SMG7: variants seen among roughly 807,000 people sequenced by gnomAD.
SMG7 encodes the protein SMG7 nonsense mediated mRNA decay factor.
Under a neutral mutation model 148.2 loss-of-function variants are expected in SMG7, and 34 were observed. That is an observed-to-expected ratio of 0.23 (90% confidence interval 0.17 to 0.31). The LOEUF (loss-of-function observed/expected upper bound fraction) is 0.31, where lower values mean the gene tolerates loss of function less well. Ranked by LOEUF, SMG7 falls within the 10% of genes least tolerant of loss-of-function variation. The pLI is 1.00. For missense variants in SMG7, 1,114 were observed against 1,408.4 expected (o/e 0.79, Z 3.35); for synonymous variants, 492 against 515.1 (o/e 0.96, Z 0.61).
At chr1:183,537,254 T>C (rs758196826) in intron 11 of SMG7, 39 bp downstream of exon 11, 1 of 1,418,000 alleles carries the variant, frequency 7.1e-7, no homozygotes, top group Non-Finnish European at 1.0e-6. Flanking sequence ...GATGTGGTTC[T>C]CCATCATTAA....
At chr1:183,496,316 T>C (rs1029754654) in intron 1 of SMG7, among the ~76,000 whole-genome samples, 7 of 152,222 alleles carry the variant, frequency 4.6e-5, no homozygotes, top group Non-Finnish European at 8.8e-5. Flanking sequence ...CTCATGAGAC[T>C]GTATTTACCC....
intron 1 of SMG7, among the ~76,000 whole-genome samples, chr1:183,480,588 G>C (rs1396234841): frequency 2.0e-5 from 3 of 151,852 alleles, no homozygotes; most frequent in Non-Finnish European, 4.4e-5. Flanking sequence ...TTCAGTTTGG[G>C]CCATGCTATA....
At chr1:183,495,220 G>C (rs925172797) in intron 1 of SMG7, among the ~76,000 whole-genome samples, 1 of 151,766 alleles carries the variant, frequency 6.6e-6, no homozygotes, top group Admixed American at 6.6e-5. Context: ...CCTTTGTGTG[G>C]TTTTCTTTTG....
Position 183,490,414 on chromosome 1 carries a change from C to T in SMG7, c.29+17765C>T, listed in dbSNP as rs565217646. On this transcript the variant is annotated intron_variant, in intron 1 of 22. Transcript: ENST00000688051. ...TTTTGTAGAAATTGTTTTATTCTTA[C>T]CTGTGGACATTTTCTATGCAGAAAG... Among the ~76,000 whole-genome samples the T allele has an allele frequency of 3.3e-5, 5 of 152,098 alleles. No homozygotes were observed. In the South Asian group the frequency reaches 1.0e-3, roughly 32 times the overall value.
chr1:183,526,638 T>G lies in SMG7; in HGVS notation c.355T>G (p.Cys119Gly), dbSNP rs1037064128. The G allele has an allele frequency of 1.2e-6, 2 of 1,613,568 alleles. No individual in the cohort carries two copies. The highest frequency in any genetic ancestry group is 3.3e-5 in the Admixed American group (2 of 59,938). ...TACAGTATTTAATGTAGATTTACCA[T>G]GCCGTGTGAAGTCTTCCCAATTGGG... ...LCTVFNVDLPCRVKSSQLGII... is the reference protein window; with the variant it reads ...LCTVFNVDLPGRVKSSQLGII... Residue 119 changes from cysteine (C) to glycine (G), a missense_variant, in exon 5 of 23, where the codon TGC becomes GGC. Transcript: ENST00000688051.
intron 4 of SMG7, among the ~76,000 whole-genome samples, chr1:183,520,870 C>T (rs1261778382): frequency 6.6e-6 from 1 of 151,936 alleles, no homozygotes; most frequent in African/African-American, 2.4e-5. Context: ...ATGTAAATGT[C>T]TCAAAAATTG....
intron 4 of SMG7, among the ~76,000 whole-genome samples, chr1:183,518,109 G>A (rs1663973573): frequency 6.6e-6 from 1 of 151,892 alleles, no homozygotes. Context: ...CAACACGCCT[G>A]ACTAATTTTT....
intron 18 of SMG7, 65 bp downstream of exon 18, chr1:183,547,317 T>C: frequency 7.3e-7 from 1 of 1,363,274 alleles, no homozygotes; most frequent in Non-Finnish European, 9.9e-7. Context: ...GATACTGTAG[T>C]ACACAGATTA....
At position 183,527,895 on chromosome 1, in the gene SMG7, T is replaced by C; in HGVS notation, c.485-61T>C. ...TTAGAACTTAAAACTATAGCTGTTT[T>C]GGAAATACTACCCTACTGTTTGTTT... On this transcript the variant is annotated intron_variant, in intron 5 of 22. Transcript: ENST00000688051. This position sits in a 1 kb window ranked among gnomAD's most constrained non-coding sequence, Gnocchi z 4.0. 3.5e-6 allele frequency: 4 copies of C among 1,149,008 alleles called. No homozygotes were observed. Among genetic ancestry groups the C allele is most frequent in the Non-Finnish European group, 1.3e-6 (1 of 769,666 alleles). 71.2% of individuals were successfully genotyped at this position (1,149,008 alleles called of 1,614,324 possible).
chr1:183,519,222 C>T (rs934441317), intron 4 of SMG7, among the ~76,000 whole-genome samples: 1 of 152,130 alleles, frequency 6.6e-6, no homozygotes, highest in Admixed American at 6.5e-5. Flanking sequence ...TGGAACAATT[C>T]AGATAACTGT....
At chr1:183,504,364 G>A (rs1280478293) in intron 1 of SMG7, among the ~76,000 whole-genome samples, 4 of 151,400 alleles carry the variant, frequency 2.6e-5, no homozygotes, top group African/African-American at 7.3e-5. Flanking sequence ...TTTTGAGACC[G>A]AGTCTCGCTC....
rs1484320613 is a variant in SMG7, at chr1:183,502,366, G to T, written c.30-10471G>T. 10 of 1,534,254 alleles carry T rather than the reference G, an allele frequency of 6.5e-6. No individual in the cohort carries two copies. The Admixed American group carries it at 2.0e-4, about 30-fold the overall frequency. On this transcript the variant is annotated intron_variant, in intron 1 of 22. Transcript: ENST00000688051. The stretch of plus-strand genomic sequence containing the variant: ...GAGGACCGAAAACTTGAAATCAGAG[G>T]AGCATCTGAAATCAAGTAATATTAG...
chr1:183,542,721 TC>T (rs1443814248), intron 14 of SMG7, among the ~76,000 whole-genome samples: 24 of 152,208 alleles, frequency 1.6e-4, no homozygotes, highest in Non-Finnish European at 2.9e-4. Context: ...TTTGACACTT[TC>T]GTCAGTCTTC....
chr1:183,551,085 A>C lies in SMG7; in HGVS notation c.3345A>C (p.Ser1115=), dbSNP rs1188261599. The change falls in exon 22 of 23, where the codon TCA becomes TCC. Residue 1115 remains serine, a synonymous_variant. Transcript: ENST00000688051. ...GCATTGATTATCTCTCAGCAACGTCATCCTCTGAGAGCAGTTGGCATCAGG... is the reference window on the plus strand; with the variant it reads ...GCATTGATTATCTCTCAGCAACGTCCTCCTCTGAGAGCAGTTGGCATCAGG... ...GFGIDYLSAT[S]SSESSWHQAS... 1 of 1,613,774 alleles carries C rather than the reference A, an allele frequency of 6.2e-7. No individual in the cohort carries two copies. The highest frequency in any genetic ancestry group is 2.2e-5 in the East Asian group (1 of 44,894).
chr1:183,509,827 T>G (rs1383586598), intron 1 of SMG7, among the ~76,000 whole-genome samples: 1 of 152,176 alleles, frequency 6.6e-6, no homozygotes, highest in Non-Finnish European at 1.5e-5. Flanking sequence ...CGGTTTTTCT[T>G]GGACAGATTA....
chr1:183,537,610 C>A (rs954617660), intron 11 of SMG7, among the ~76,000 whole-genome samples: 5 of 152,296 alleles, frequency 3.3e-5, no homozygotes, highest in Non-Finnish European at 2.9e-5. Flanking sequence ...TTACTAGTCA[C>A]GATAGTATAT....
At position 183,552,182 on chromosome 1, in the gene SMG7, C is replaced by T. The variant is rs1671179066; in HGVS notation, c.*251C>T. The T allele has an allele frequency of 1.7e-6, 2 of 1,145,134 alleles. No individual in the cohort carries two copies. The highest frequency in any genetic ancestry group is 7.2e-5 in the South Asian group (2 of 27,924). 70.9% of individuals were successfully genotyped at this position (1,145,134 alleles called of 1,614,324 possible). ...GAGAGAGAGAGGAACTGCTGTTTAT[C>T]TCACTCAGTTACTTGGTATCACCGC... On this transcript the variant is annotated 3_prime_UTR_variant, in exon 23 of 23. Coordinates refer to ENST00000688051, the MANE Select transcript of SMG7 (RefSeq NM_001375584.1).
At chr1:183,517,887 C>T in intron 4 of SMG7, 67 bp downstream of exon 4, 7 of 1,469,314 alleles carry the variant, frequency 4.8e-6, no homozygotes, top group Non-Finnish European at 6.7e-6. Context: ...TTGTACACGT[C>T]TTAATGCATG....
chr1:183,551,834 C>G lies in SMG7; in HGVS notation c.3467C>G (p.Ser1156Cys). 1 of 1,611,848 alleles carries G rather than the reference C, an allele frequency of 6.2e-7. No homozygotes were observed. The highest frequency in any genetic ancestry group is 8.5e-7 in the Non-Finnish European group (1 of 1,178,584). Reference protein sequence around the residue: ...MESLKSIWSSSMMHPGPSALE... With the variant: ...MESLKSIWSSCMMHPGPSALE... ...GTTTTTCAGTCTATCTGGTCCAGTT[C>G]CATGATGCATCCTGGACCTTCTGCT... is the stretch of plus-strand genomic sequence containing the variant. Residue 1156 changes from serine (S) to cysteine (C), a missense_variant, in exon 23 of 23, where the codon TCC becomes TGC. By Grantham distance (112) the Ser-to-Cys change is moderately radical. Around this residue, in one of 4 missense-constraint regions of SMG7, gnomAD observed 788 missense variants for 894.5 expected, o/e 0.88. Transcript: ENST00000688051.
Sources: gnomAD v4.1 joint callset for allele counts (sites outside exome capture counted in the v4.1 genomes callset) on GRCh38, gnomAD v4.1.1 for gene constraint, gnomAD v4.1.1 regional missense constraint, Gnocchi (gnomAD v3.1) non-coding constraint, MANE v1.5 for transcripts, NCBI Gene and HGNC (gene_info 2026-07-23, HGNC 2026-07-21) for gene names.